The following DST variants were observed in gnomAD, a reference collection of about 807,000 sequenced individuals.
DST encodes the protein bullous pemphigoid antigen.
DST carries 253 observed loss-of-function variants against 875.2 expected under a neutral mutation model. That is an observed-to-expected ratio of 0.29 (90% CI 0.26 to 0.32). DST has a LOEUF of 0.32. DST is among the 10% of genes least tolerant of loss of function. The pLI, the probability that DST is intolerant of heterozygous loss-of-function variation, is 1.00. For synonymous variants in DST, 3,124 were observed against 3,197.1 expected (o/e 0.98, Z 0.77); for missense variants, 8,287 against 9,111.6 (o/e 0.91, Z 3.68).
chr6:56,822,372 G>C (rs1209224432), intron 4 of DST, among the ~76,000 whole-genome samples: 3 of 152,152 alleles, frequency 2.0e-5, no homozygotes, highest in Non-Finnish European at 4.4e-5. Flanking sequence ...GGACGCAGGG[G>C]GAGGCAGCAG....
At chr6:56,923,571 T>A (rs770881760) in intron 2 of DST, among the ~76,000 whole-genome samples, 5 of 151,784 alleles carry the variant, frequency 3.3e-5, no homozygotes, top group Non-Finnish European at 7.4e-5. Flanking sequence ...GGAGGCTGGT[T>A]AATTCAAATC....
At chr6:56,651,931 A>C (rs1563468543) in intron 10 of DST, among the ~76,000 whole-genome samples, 1 of 152,210 alleles carries the variant, frequency 6.6e-6, no homozygotes, top group East Asian at 1.9e-4. Flanking sequence ...GTATTAAGAA[A>C]ATTTTGTATT....
chr6:56,888,364 A>G (rs1027239910), intron 3 of DST, among the ~76,000 whole-genome samples: 1 of 152,240 alleles, frequency 6.6e-6, no homozygotes, highest in Admixed American at 6.5e-5. Context: ...TTCTTTTCAG[A>G]TAATTAGCAA....
At chr6:56,702,021 T>TA (rs1345124291) in intron 7 of DST, 56 bp from the exon 8 acceptor site, 7 of 996,928 alleles carry the variant, frequency 7.0e-6, no homozygotes, top group Non-Finnish European at 1.1e-5. Context: ...CAGACCATGC[T>TA]AATTTAAATA....
intron 4 of DST, among the ~76,000 whole-genome samples, chr6:56,801,516 T>C (rs1336979502): frequency 6.6e-6 from 1 of 152,152 alleles, no homozygotes; most frequent in African/African-American, 2.4e-5. Context: ...AAATGTCTTC[T>C]CTTATAAAAT....
At position 56,598,460 on chromosome 6, in the gene DST, A is replaced by G. The variant is rs2098413330; in HGVS notation, c.11928+16T>C. On this transcript the variant is annotated intron_variant, in intron 46 of 103. Coordinates refer to ENST00000680361, the MANE Select transcript of DST (RefSeq NM_001374736.1). The stretch of plus-strand genomic sequence containing the variant: ...TTTTGACATAGCAATAGTGCACCAC[A>G]TATTTGAATAAGGACCTTTTCAGTT... The G allele has an allele frequency of 6.7e-7, 1 of 1,487,814 alleles. No individual in the cohort carries two copies. Among genetic ancestry groups the G allele is most frequent in the Non-Finnish European group, 9.1e-7 (1 of 1,102,586 alleles). 92.2% of individuals were successfully genotyped at this position (1,487,814 alleles called of 1,614,324 possible). A position where few individuals can be genotyped will look rare whatever the true frequency, so the allele number is the denominator to read the frequency against.
At chr6:56,749,436 G>A (rs1386500613) in intron 4 of DST, among the ~76,000 whole-genome samples, 2 of 152,084 alleles carry the variant, frequency 1.3e-5, no homozygotes, top group Admixed American at 6.6e-5. Flanking sequence ...CTCTAATTCC[G>A]TTTACCCTGA....
chr6:56,607,429 T>C lies in DST; in HGVS notation c.7199A>G (p.Asn2400Ser). 6.2e-7 allele frequency: 1 copy of C among 1,609,616 alleles called. No individual in the cohort carries two copies. Among genetic ancestry groups the C allele is most frequent in the Non-Finnish European group, 8.5e-7 (1 of 1,177,580 alleles). Residue 2400 changes from asparagine (N) to serine (S), a missense_variant, in exon 40 of 104, where the codon AAT (asparagine) becomes AGT (serine). Coordinates refer to ENST00000680361, the MANE Select transcript of DST (RefSeq NM_001374736.1). ...IQNFPSDLIE[N>S]PIMKSKMSKF... ...ACTCATTTTTGATTTCATAATAGGA[T>C]TTTCTATTAAATCACTTGGAAAGTT...
intron 10 of DST, among the ~76,000 whole-genome samples, chr6:56,658,104 C>T (rs1217686148): frequency 1.3e-5 from 2 of 152,050 alleles, no homozygotes; most frequent in African/African-American, 4.8e-5. Context: ...CACTCTGTCG[C>T]CAGGCTGGAG....
chr6:56,712,090 CAAAAA>C (rs34769867), intron 5 of DST, among the ~76,000 whole-genome samples: 1 of 76,550 alleles, frequency 1.3e-5, no homozygotes. Context: ...GACTCCGTCT[CAAAAA>C]AAAAAAAAAA....
chr6:56,640,239 G>C lies in DST; in HGVS notation c.2394C>G (p.Pro798=). ...QTLKLMQIRK[P]LLKSSLLDQN... Reference sequence around the variant, plus strand: ...GATCCAGCAAAGAAGACTTTAGAAGGGGTTTTCGGATCTGCATCAACTTCA... The same window carrying C: ...GATCCAGCAAAGAAGACTTTAGAAGCGGTTTTCGGATCTGCATCAACTTCA... Residue 798 remains proline (P), a synonymous_variant, in exon 18 of 104, where the codon CCC becomes CCG. Coordinates refer to ENST00000680361, the MANE Select transcript of DST (RefSeq NM_001374736.1). 6.2e-7 allele frequency: 1 copy of C among 1,614,134 alleles called. No individual in the cohort carries two copies. The highest frequency in any genetic ancestry group is 1.1e-5 in the South Asian group (1 of 91,078).
At chr6:56,806,441 C>A (rs1400316648) in intron 4 of DST, among the ~76,000 whole-genome samples, 1 of 152,132 alleles carries the variant, frequency 6.6e-6, no homozygotes, top group Non-Finnish European at 1.5e-5. Flanking sequence ...GAAGACTGGA[C>A]TAAATGCAAG....
chr6:56,857,014 C>CT (rs1214133088), intron 3 of DST, among the ~76,000 whole-genome samples: 5,387 of 143,794 alleles, frequency 0.037, 271 homozygotes, highest in African/African-American at 0.12. Context: ...ATAGCAAGGT[C>CT]TTTTTTTTTT....
At chr6:56,475,120 T>A (rs544961022) in intron 92 of DST, among the ~76,000 whole-genome samples, 2 of 152,082 alleles carry the variant, frequency 1.3e-5, no homozygotes, top group Admixed American at 1.3e-4. Flanking sequence ...ATTTAAAAGG[T>A]TTAACTATCT....
At chr6:56,743,233 C>A (rs111267125) in intron 4 of DST, among the ~76,000 whole-genome samples, 2,007 of 152,136 alleles carry the variant, frequency 0.013, 42 homozygotes, top group African/African-American at 0.046. Context: ...ACCAATAGAC[C>A]TTCCTGAATA....
At chr6:56,890,897 A>G (rs774956713) in intron 3 of DST, among the ~76,000 whole-genome samples, 15 of 152,192 alleles carry the variant, frequency 9.9e-5, no homozygotes, top group Non-Finnish European at 1.6e-4. Flanking sequence ...AGTAATCCTG[A>G]ATCACCATAA....
In DST at chr6:56,548,904, T is replaced by C. The variant is rs2097273361; in HGVS notation, c.16608+3280A>G. Among the ~76,000 whole-genome samples, 5 of 152,348 alleles carry C rather than the reference T, an allele frequency of 3.3e-5. No homozygotes were observed. The South Asian group carries it at 1.0e-3, about 32-fold the overall frequency. On this transcript the variant is annotated intron_variant, in intron 61 of 103. Coordinates refer to ENST00000680361, the MANE Select transcript of DST (RefSeq NM_001374736.1). ...AACACAAAAGATAACACCAATCTACTTTCAAAATCTCAGGATAGTTTTCAC... is the reference window on the plus strand; with the variant it reads ...AACACAAAAGATAACACCAATCTACCTTCAAAATCTCAGGATAGTTTTCAC...
In DST at chr6:56,514,332, T is replaced by C. The variant is rs1480507662; in HGVS notation, c.18576+1118A>G. ...ACATACTTGTCTTTCTCCTGCTGAA[T>C]CATTTAGATAGAACTCCATAAGATT... On this transcript the variant is annotated intron_variant, in intron 72 of 103. Transcript: ENST00000680361. Among the ~76,000 whole-genome samples, 4 of 152,210 alleles carry C rather than the reference T, an allele frequency of 2.6e-5. No homozygotes were observed. The South Asian group carries it at 8.3e-4, about 32-fold the overall frequency.
chr6:56,510,769 G>GA (rs964054487), intron 73 of DST, among the ~76,000 whole-genome samples: 12 of 151,988 alleles, frequency 7.9e-5, no homozygotes, highest in African/African-American at 2.9e-4. Context: ...TTTCAGAAAA[G>GA]AAAAAACCAT....
Sources: gnomAD v4.1 joint callset for allele counts (sites outside exome capture counted in the v4.1 genomes callset) on GRCh38, gnomAD v4.1.1 for gene constraint, MANE v1.5 for transcripts, NCBI Gene and HGNC (gene_info 2026-07-23, HGNC 2026-07-21) for gene names.